SYAP1: variants seen among roughly 807,000 people sequenced by gnomAD.
SYAP1 encodes synapse associated protein 1.
In SYAP1, 3 loss-of-function variants were observed where a neutral mutation model predicts 29.6. The observed-to-expected ratio is 0.10, with a 90% CI of 0.05 to 0.26. The LOEUF is 0.26. SYAP1 is among the 10% of genes least tolerant of loss of function. The pLI, the probability that SYAP1 is intolerant of heterozygous loss-of-function variation, is 1.00. For synonymous variants in SYAP1, 102 were observed against 102.7 expected (o/e 0.99, Z 0.04); for missense variants, 217 against 264.1 (o/e 0.82, Z 1.24).
chrX:16,726,805 G>A (rs1926090962), intron 1 of SYAP1, among the ~76,000 whole-genome samples: 1 of 111,421 alleles, frequency 9.0e-6, no homozygotes, highest in South Asian at 3.7e-4. Flanking sequence ...TGTTTCAGAG[G>A]CTTAGAGGCA....
chrX:16,747,255 T>C (rs1179458541), intron 5 of SYAP1, among the ~76,000 whole-genome samples: 4 of 111,761 alleles, frequency 3.6e-5, no homozygotes, highest in African/African-American at 6.5e-5. Flanking sequence ...CCTGGTAGAA[T>C]TGAATTTTGA....
chrX:16,758,402 C>T (rs1241691843), intron 8 of SYAP1, among the ~76,000 whole-genome samples: 1 of 107,540 alleles, frequency 9.3e-6, no homozygotes, highest in African/African-American at 3.4e-5. Context: ...GGCTGGAGTG[C>T]AGTGGTGCAG....
At chrX:16,723,410 T>C (rs1397092053) in intron 1 of SYAP1, among the ~76,000 whole-genome samples, 1 of 111,877 alleles carries the variant, frequency 8.9e-6, no homozygotes, top group African/African-American at 3.3e-5. Flanking sequence ...ATCTGAAAGG[T>C]CTTTTGCAGA....
At chrX:16,720,187 G>A (rs1419371364) in intron 1 of SYAP1, among the ~76,000 whole-genome samples, 1 of 112,291 alleles carries the variant, frequency 8.9e-6, no homozygotes, top group African/African-American at 3.2e-5. Context: ...AGTGTGACCC[G>A]ACGTCTTCAG....
rs1311463940 is a variant in SYAP1, at chrX:16,763,353, G to C, written c.*2994G>C. The C allele has an allele frequency of 9.2e-6, 1 of 108,358 alleles. No individual in the cohort carries two copies. The highest frequency in any genetic ancestry group is 1.9e-5 in the Non-Finnish European group (1 of 52,187). The allele number at this position is 108,358 out of a possible 1,213,427, so 8.9% of individuals were successfully genotyped here. On this transcript the variant is annotated 3_prime_UTR_variant, in exon 9 of 9. Coordinates refer to ENST00000380155, the MANE Select transcript of SYAP1 (RefSeq NM_032796.4). ...TGGTAAATCGGGCATTTCTTTTTTT[G>C]TTTGTTTTTTTTTCTTGGAGACAGA...
intron 1 of SYAP1, among the ~76,000 whole-genome samples, chrX:16,720,960 C>T (rs1290813475): frequency 9.1e-6 from 1 of 110,175 alleles, no homozygotes; most frequent in Non-Finnish European, 1.9e-5. Flanking sequence ...TTGCAGTGAG[C>T]TGAGATCGCA....
chrX:16,736,497 ACTTTCTC>A, intron 3 of SYAP1: 1 of 260,736 alleles, frequency 3.8e-6, no homozygotes, highest in Non-Finnish European at 6.9e-6. Context: ...TTCAGTTCTG[ACTTTCTC>A]TTTTCTTTTC....
intron 3 of SYAP1, among the ~76,000 whole-genome samples, chrX:16,739,846 T>G (rs1926418259): frequency 2.7e-5 from 3 of 110,331 alleles, no homozygotes; most frequent in African/African-American, 6.6e-5. Flanking sequence ...GCAGCAGGAG[T>G]GATTCAGTGG....
chrX:16,731,303 ATTAT>A (rs1418538105), intron 1 of SYAP1, among the ~76,000 whole-genome samples: 1 of 110,222 alleles, frequency 9.1e-6, no homozygotes, highest in African/African-American at 3.4e-5. Flanking sequence ...CATTTATCTA[ATTAT>A]TTATTTTAAT....
At chrX:16,738,030 A>G (rs987373669) in intron 3 of SYAP1, among the ~76,000 whole-genome samples, 1 of 111,815 alleles carries the variant, frequency 8.9e-6, no homozygotes, top group African/African-American at 3.2e-5. Context: ...CAGAAGCTCC[A>G]CAGTGTTTAG....
intron 8 of SYAP1, among the ~76,000 whole-genome samples, chrX:16,759,822 T>C (rs993666202): frequency 1.5e-4 from 17 of 112,510 alleles, no homozygotes; most frequent in Admixed American, 9.5e-5. Flanking sequence ...TAGAAAGCAG[T>C]TGGGCCAGTG....
chrX:16,743,863 T>C (rs1324794903), intron 5 of SYAP1, 23 bp downstream of exon 5: 1 of 1,203,057 alleles, frequency 8.3e-7, no homozygotes, highest in African/African-American at 1.7e-5. Flanking sequence ...TTCTCCAGCG[T>C]TTCCTCATGG....
In SYAP1 at chrX:16,741,667, C is replaced by G. The variant is rs377277996; in HGVS notation, c.362-49C>G. On this transcript the variant is annotated intron_variant, in intron 3 of 8. Transcript: ENST00000380155. ...AAACCATAGACTGCAGTGTAACCAT[C>G]ATGACCTATTTTTTTCTCTTTTCTT... 75 of 992,992 alleles carry G rather than the reference C, an allele frequency of 7.6e-5. 1 individual carries two copies. The highest frequency in any genetic ancestry group is 1.0e-4 in the Non-Finnish European group (73 of 711,302). The allele number at this position is 992,992 out of a possible 1,213,427, so 81.8% of individuals were successfully genotyped here.
At chrX:16,724,661 A>G (rs1926045832) in intron 1 of SYAP1, among the ~76,000 whole-genome samples, 1 of 111,816 alleles carries the variant, frequency 8.9e-6, no homozygotes, top group Non-Finnish European at 1.9e-5. Context: ...GTTGGTTTCC[A>G]TCCTCAGGCT....
chrX:16,744,615 G>A (rs150573271), intron 5 of SYAP1, among the ~76,000 whole-genome samples: 4 of 112,153 alleles, frequency 3.6e-5, no homozygotes, highest in East Asian at 2.8e-4. Context: ...GGAGGATCAC[G>A]TGAGGTTGAG....
chrX:16,749,942 A>G (rs913778012), intron 5 of SYAP1, among the ~76,000 whole-genome samples: 19 of 108,561 alleles, frequency 1.8e-4, no homozygotes, highest in Admixed American at 1.2e-3. Context: ...GATTTCAAAG[A>G]TATTTAGGCA....
In SYAP1 at chrX:16,757,276, G is replaced by C; in HGVS notation, c.898G>C (p.Asp300His). 1 of 1,209,747 alleles carries C rather than the reference G, an allele frequency of 8.3e-7. No individual in the cohort carries two copies. ...LRKEMEQLVL[D>H]KKQEETAVLE... ...GAAAGAAATGGAGCAACTAGTGCTT[G>C]ACAAAAAGCAAGAGGAGACAGCCGT... is the stretch of plus-strand genomic sequence containing the variant. Residue 300 changes from aspartate to histidine, a missense_variant, in exon 8 of 9, where the codon GAC becomes CAC. By Grantham distance (81) the Asp-to-His change is moderately conservative (BLOSUM62 -1). Transcript: ENST00000380155.
At position 16,740,342 on chromosome X, in the gene SYAP1, CTT is replaced by C. The variant is rs57231597; in HGVS notation, c.362-1358_362-1357del. ...TTTACTGCCTCCAACTTGTGCATTT[CTT>C]TTTTTTTTTTTTTTTAGCTCCTGAA... is the stretch of plus-strand genomic sequence containing the variant. On this transcript the variant is annotated intron_variant, in intron 3 of 8. Coordinates refer to ENST00000380155, the MANE Select transcript of SYAP1 (RefSeq NM_032796.4). Among the ~76,000 whole-genome samples, 862 of 90,385 alleles carry C rather than the reference CTT, an allele frequency of 9.5e-3. 15 individuals carry two copies. Among genetic ancestry groups the C allele is most frequent in the African/African-American group, 0.032 (789 of 24,725 alleles). 78.5% of individuals were successfully genotyped at this position (90,385 alleles called of 115,157 possible). A position where few individuals can be genotyped will look rare whatever the true frequency, so the allele number is the denominator to read the frequency against.
rs1413570258 is a variant in SYAP1 at position 16,764,349 on chromosome X, ACTTTTTTTTTTTT to A, written c.*4004_*4016del. On this transcript the variant is annotated 3_prime_UTR_variant, in exon 9 of 9. Transcript: ENST00000380155. ...TAATTTTAGCAAATTTAGTTTTTCAACTTTTTTTTTTTTCTTTTTTTTTTTTTTTGAGATGGAG... is the reference window on the plus strand; with the variant it reads ...TAATTTTAGCAAATTTAGTTTTTCAACTTTTTTTTTTTTTTTGAGATGGAG... 1.0e-5 allele frequency: 1 copy of A among 98,875 alleles called. No individual in the cohort carries two copies. Among genetic ancestry groups the A allele is most frequent in the Non-Finnish European group, 2.0e-5 (1 of 50,353 alleles). The allele number at this position is 98,875 out of a possible 1,213,427, so 8.1% of individuals were successfully genotyped here.
Sources: gnomAD v4.1 joint callset for allele counts (sites outside exome capture counted in the v4.1 genomes callset) on GRCh38, gnomAD v4.1.1 for gene constraint, MANE v1.5 for transcripts, NCBI Gene and HGNC (gene_info 2026-07-23, HGNC 2026-07-21) for gene names.